Variants in LRRC7 observed in about 807,000 individuals in gnomAD.
LRRC7 encodes leucine-rich repeat-containing protein 7.
Under a neutral mutation model 175.7 loss-of-function variants are expected in LRRC7, and 23 were observed. The ratio of observed to expected loss-of-function variants is 0.13; its 90% CI spans 0.09 to 0.19. The LOEUF is 0.19. Among genes scored for constraint, LRRC7 ranks in the 10% least tolerant of loss-of-function variants. The pLI, the probability that LRRC7 is intolerant of heterozygous loss-of-function variation, is 1.00. For missense variants in LRRC7, 1,354 were observed against 1,904.7 expected (o/e 0.71, Z 5.38); for synonymous variants, 685 against 680.9 (o/e 1.01, Z -0.09).
intron 7 of LRRC7, among the ~76,000 whole-genome samples, chr1:69,891,106 GCTAA>G (rs974407490): frequency 6.6e-6 from 1 of 152,202 alleles, no homozygotes; most frequent in Non-Finnish European, 1.5e-5. Context: ...TTACAACTTG[GCTAA>G]CTGTTTGGCA....
chr1:69,860,013 G>A (rs150929786), intron 7 of LRRC7, among the ~76,000 whole-genome samples: 1 of 151,932 alleles, frequency 6.6e-6, no homozygotes, highest in Non-Finnish European at 1.5e-5. Context: ...TTTTTTCCCA[G>A]TGGTTTCCAA....
intron 7 of LRRC7, among the ~76,000 whole-genome samples, chr1:69,898,527 A>T (rs1646042067): frequency 6.6e-6 from 1 of 152,260 alleles, no homozygotes; most frequent in Non-Finnish European, 1.5e-5. Context: ...AAGCAATTTT[A>T]AAAGAACACT....
chr1:69,680,530 G>A (rs923047652), intron 2 of LRRC7, among the ~76,000 whole-genome samples: 1 of 151,980 alleles, frequency 6.6e-6, no homozygotes, highest in Admixed American at 6.6e-5. Context: ...TTATGTTATC[G>A]AACATGGAAA....
At chr1:69,991,244 G>A (rs1444931068) in intron 10 of LRRC7, among the ~76,000 whole-genome samples, 1 of 151,750 alleles carries the variant, frequency 6.6e-6, no homozygotes, top group African/African-American at 2.4e-5. Flanking sequence ...CTTTAAGAAA[G>A]AAACTAGGAA....
At chr1:69,579,854 A>G (rs1646122275) in intron 1 of LRRC7, among the ~76,000 whole-genome samples, 1 of 143,696 alleles carries the variant, frequency 7.0e-6, no homozygotes, top group African/African-American at 2.6e-5. Context: ...TGCTGGTCTC[A>G]AACTCCTGGG....
intron 6 of LRRC7, among the ~76,000 whole-genome samples, chr1:69,835,072 AATAAATTCTAG>A (rs1680950833): frequency 6.6e-6 from 1 of 152,032 alleles, no homozygotes; most frequent in Non-Finnish European, 1.5e-5. Context: ...TTAATAGTCA[AATAAATTCTAG>A]ATGAATTAAA....
chr1:69,619,221 T>C (rs1650169151), intron 1 of LRRC7, among the ~76,000 whole-genome samples: 1 of 152,148 alleles, frequency 6.6e-6, no homozygotes, highest in Non-Finnish European at 1.5e-5. Flanking sequence ...CTCTGCAAGA[T>C]CAAAACTATT....
At chr1:69,899,258 A>G (rs1646066803) in intron 7 of LRRC7, among the ~76,000 whole-genome samples, 1 of 152,120 alleles carries the variant, frequency 6.6e-6, no homozygotes, top group Admixed American at 6.5e-5. Context: ...ATCATTGATG[A>G]TGTTTCATGG....
chr1:69,787,704 G>A (rs534138020), intron 3 of LRRC7, among the ~76,000 whole-genome samples: 5 of 152,202 alleles, frequency 3.3e-5, no homozygotes, highest in African/African-American at 4.8e-5. Context: ...AAAGGTCTCC[G>A]ACATGCCCTG....
intron 2 of LRRC7, among the ~76,000 whole-genome samples, chr1:69,740,726 A>G (rs925808261): frequency 7.2e-5 from 11 of 152,104 alleles, no homozygotes; most frequent in African/African-American, 2.4e-4. Flanking sequence ...TATTCGGTTT[A>G]CATCTCCACT....
At chr1:69,709,343 A>G (rs141907477) in intron 2 of LRRC7, among the ~76,000 whole-genome samples, 115 of 152,308 alleles carry the variant, frequency 7.6e-4, no homozygotes, top group African/African-American at 2.7e-3. Context: ...GGTCAGGCCT[A>G]GAAATATTTT....
At chr1:69,885,507 T>A (rs1687093145) in intron 7 of LRRC7, among the ~76,000 whole-genome samples, 1 of 142,004 alleles carries the variant, frequency 7.0e-6, no homozygotes, top group Admixed American at 6.8e-5. Context: ...TCTTCTCTCT[T>A]TTTTTCTTTA....
chr1:69,781,729 AAGAAAG>A (rs1442833739), intron 3 of LRRC7, among the ~76,000 whole-genome samples: 402 of 32,860 alleles, frequency 0.012, 5 homozygotes, highest in Non-Finnish European at 0.016. Flanking sequence ...GAAAGAAAGA[AAGAAAG>A]AGAGAGAGAG....
chr1:70,020,837 G>T, intron 15 of LRRC7, 168 bp from the exon 16 acceptor site: 1 of 447,958 alleles, frequency 2.2e-6, no homozygotes, highest in Non-Finnish European at 3.7e-6. Context: ...AAATATCAAG[G>T]GAATTTTATT....
rs1657710590 is a variant in LRRC7 at position 70,023,287 on chromosome 1, A to G, written c.1707A>G (p.Ile569Met). 6.2e-7 allele frequency: 1 copy of G among 1,613,332 alleles called. No homozygotes were observed. Among genetic ancestry groups the G allele is most frequent in the Non-Finnish European group, 8.5e-7 (1 of 1,179,632 alleles). ...ACCCACAGCTGGCATGGGGTTGTAT[A>G]AGTGGCCTCCAGCAGGAAAGGAGCA... ...QNDPQLAWGC[I>M]SGLQQERSMC... The change falls in exon 17 of 27, where the codon ATA becomes ATG. Residue 569 changes from isoleucine (I) to methionine (M), a missense_variant. By Grantham distance (10) the Ile-to-Met change is conservative (BLOSUM62 1). Transcript: ENST00000651989.
rs1327517522 is a variant in LRRC7 at position 70,142,622 on chromosome 1, T to TAAAG, written c.*20737_*20740dup. 4 of 152,104 alleles carry TAAAG rather than the reference T, an allele frequency of 2.6e-5. No individual in the cohort carries two copies. Among genetic ancestry groups the TAAAG allele is most frequent in the Admixed American group, 2.0e-4 (3 of 15,262 alleles). 9.4% of individuals were successfully genotyped at this position (152,104 alleles called of 1,614,324 possible). A position where few individuals can be genotyped will look rare whatever the true frequency, so the allele number is the denominator to read the frequency against. Reference sequence around the variant, plus strand: ...TCTACCAAATTCTGTTTGTAAATTTTAAAGACCACCACAAAAGACCTTGAA... The same window carrying TAAAG: ...TCTACCAAATTCTGTTTGTAAATTTTAAAGAAAGACCACCACAAAAGACCTTGAA... On this transcript the variant is annotated 3_prime_UTR_variant, in exon 27 of 27. Transcript: ENST00000651989.
intron 7 of LRRC7, among the ~76,000 whole-genome samples, chr1:69,897,744 G>C (rs1281187693): frequency 1.3e-5 from 2 of 152,256 alleles, no homozygotes; most frequent in Non-Finnish European, 2.9e-5. Flanking sequence ...TTATTAGACA[G>C]AAACATGGAT....
rs111317130 is a variant in LRRC7, at chr1:69,683,061, A to G, written c.100+4583A>G. 7.5e-3 allele frequency among the ~76,000 whole-genome samples: 1,149 copies of G among 152,290 alleles called. 8 individuals carry two copies. The highest frequency in any genetic ancestry group is 9.2e-3 in the Non-Finnish European group (628 of 68,006). On this transcript the variant is annotated intron_variant, in intron 2 of 26. Transcript: ENST00000651989. The stretch of plus-strand genomic sequence containing the variant: ...CACTTGACACATTCTTGAATGTTTC[A>G]ACAATGCAACAAACGCAACAAATTC...
chr1:69,931,296 A>G (rs977906114), intron 7 of LRRC7, among the ~76,000 whole-genome samples: 2 of 152,146 alleles, frequency 1.3e-5, no homozygotes, highest in Non-Finnish European at 2.9e-5. Context: ...TTGCATGCCA[A>G]CCATATTGGC....
Sources: allele counts gnomAD v4.1 joint callset (sites outside exome capture counted in the v4.1 genomes callset), GRCh38; gene constraint gnomAD v4.1.1; transcripts MANE v1.5; gene names NCBI Gene and HGNC (gene_info 2026-07-23, HGNC 2026-07-21).